The following MCF2 variants were observed in gnomAD, a reference collection of about 807,000 sequenced individuals.
MCF2 encodes MCF.2 cell line derived transforming sequence.
Under a neutral mutation model 82.5 loss-of-function variants are expected in MCF2, and 44 were observed. The observed-to-expected ratio is 0.53, with a 90% confidence interval of 0.42 to 0.69. The LOEUF is 0.69. MCF2 is among the 30% of genes least tolerant of loss of function. The pLI is 0.00. For missense variants in MCF2, 623 were observed against 663.1 expected (o/e 0.94, Z 0.66); for synonymous variants, 217 against 224.9 (o/e 0.96, Z 0.32).
intron 19 of MCF2, among the ~76,000 whole-genome samples, chrX:139,594,856 C>T (rs1929906846): frequency 9.0e-6 from 1 of 111,405 alleles, no homozygotes; most frequent in Admixed American, 9.5e-5. Flanking sequence ...CCAGAATCTA[C>T]AATGAATTCA....
intron 16 of MCF2, among the ~76,000 whole-genome samples, chrX:139,601,748 C>T (rs1242254004): frequency 9.0e-6 from 1 of 110,985 alleles, no homozygotes; most frequent in Admixed American, 9.6e-5. Flanking sequence ...CGCAACAAGC[C>T]TAGTGAGTCT....
chrX:139,640,672 C>T (rs753064157), intron 1 of MCF2, among the ~76,000 whole-genome samples: 29 of 111,003 alleles, frequency 2.6e-4, no homozygotes, highest in Admixed American at 9.6e-4. Context: ...TTCCAGAGAC[C>T]CTTCAAGGTG....
intron 1 of MCF2, among the ~76,000 whole-genome samples, chrX:139,659,862 C>A (rs1034590640): frequency 1.8e-5 from 2 of 112,110 alleles, no homozygotes; most frequent in African/African-American, 6.5e-5. Context: ...AGTAAATGAA[C>A]AATCGCTACC....
At chrX:139,598,326 A>C in intron 17 of MCF2, 80 bp downstream of exon 21, 1 of 642,181 alleles carries the variant, frequency 1.6e-6, no homozygotes, top group Non-Finnish European at 2.4e-6. Context: ...AGTGCTTCCT[A>C]GTAAACTATT....
chrX:139,657,009 C>T (rs892464936), intron 1 of MCF2, among the ~76,000 whole-genome samples: 75 of 111,612 alleles, frequency 6.7e-4, no homozygotes, highest in African/African-American at 2.1e-3. Context: ...ACATTGGACT[C>T]GTTGCTAAGC....
intron 1 of MCF2, among the ~76,000 whole-genome samples, chrX:139,689,295 A>C (rs1355514117): frequency 8.9e-6 from 1 of 111,799 alleles, no homozygotes; most frequent in Non-Finnish European, 1.9e-5. Context: ...GAAAGCAAAA[A>C]GTTCCATCAC....
At chrX:139,644,292 T>C (rs1933719250), upstream of MCF2, among the ~76,000 whole-genome samples, 1 of 112,297 alleles carries the variant, frequency 8.9e-6, no homozygotes, top group Admixed American at 9.5e-5. Flanking sequence ...ATTCATCACA[T>C]AGCCATTCCA....
chrX:139,584,640 C>A (rs1928790399), intron 24 of MCF2, among the ~76,000 whole-genome samples: 1 of 111,357 alleles, frequency 9.0e-6, no homozygotes, highest in African/African-American at 3.3e-5. Context: ...AAAATATATC[C>A]CCCAGATGTT....
chrX:139,583,705 A>G (rs1928670471), intron 24 of MCF2, among the ~76,000 whole-genome samples: 1 of 111,876 alleles, frequency 8.9e-6, no homozygotes, highest in Non-Finnish European at 1.9e-5. Context: ...AGCATCACGC[A>G]GTATTCCCAT....
chrX:139,601,532 A>G (rs1930551668), intron 16 of MCF2, among the ~76,000 whole-genome samples: 1 of 111,691 alleles, frequency 9.0e-6, no homozygotes, highest in Admixed American at 9.5e-5. Flanking sequence ...TAGAATAAAG[A>G]TATTTGCAGA....
intron 11 of MCF2, among the ~76,000 whole-genome samples, chrX:139,609,235 A>C (rs777744860): frequency 8.9e-6 from 1 of 112,397 alleles, no homozygotes; most frequent in East Asian, 2.8e-4. Context: ...ACCACAAAAA[A>C]CACAAGAAGA....
At chrX:139,693,421 C>T (rs1844607218) in intron 1 of MCF2, among the ~76,000 whole-genome samples, 1 of 109,335 alleles carries the variant, frequency 9.1e-6, no homozygotes, top group Admixed American at 9.9e-5. Flanking sequence ...TGAGGAATCG[C>T]CAATTTATAC....
chrX:139,664,073 C>T (rs1398125261), intron 1 of MCF2, among the ~76,000 whole-genome samples: 2 of 109,927 alleles, frequency 1.8e-5, no homozygotes, highest in East Asian at 2.9e-4. Flanking sequence ...GGTGCGATTT[C>T]GGCTCACTGC....
upstream of MCF2, chrX:139,646,919 A>G: frequency 1.1e-6 from 1 of 915,942 alleles, no homozygotes; most frequent in Non-Finnish European, 1.6e-6. Flanking sequence ...ACAATAGAAA[A>G]ATAATCAACT....
chrX:139,634,973 A>G (rs956074647), intron 1 of MCF2, among the ~76,000 whole-genome samples: 1 of 111,513 alleles, frequency 9.0e-6, no homozygotes, highest in African/African-American at 3.3e-5. Context: ...GCATGCGCCT[A>G]TGGTTCCAGT....
At chrX:139,593,462 G>A (rs1250686108) in intron 19 of MCF2, among the ~76,000 whole-genome samples, 2 of 110,987 alleles carry the variant, frequency 1.8e-5, no homozygotes, top group Non-Finnish European at 3.8e-5. Context: ...GAGGTACAAG[G>A]AGGAACTGGT....
At chrX:139,588,705 G>A (rs1372427042) in intron 20 of MCF2, among the ~76,000 whole-genome samples, 1 of 109,781 alleles carries the variant, frequency 9.1e-6, no homozygotes, top group Non-Finnish European at 1.9e-5. Flanking sequence ...GAGCCCAGGA[G>A]TTTGAGACCA....
intron 2 of MCF2, among the ~76,000 whole-genome samples, chrX:139,651,233 G>C (rs1457118905): frequency 3.6e-5 from 4 of 110,867 alleles, no homozygotes; most frequent in African/African-American, 1.3e-4. Flanking sequence ...TTATATACAA[G>C]TGTATATACA....
intron 21 of MCF2, 32 bp downstream of exon 25, chrX:139,588,328 T>C: frequency 1.8e-6 from 2 of 1,113,033 alleles, no homozygotes; most frequent in Non-Finnish European, 2.5e-6. Flanking sequence ...TTACTATACT[T>C]CTTGTTCTGA....
Sources: allele counts gnomAD v4.1 joint callset (sites outside exome capture counted in the v4.1 genomes callset), GRCh38; gene constraint gnomAD v4.1.1; transcripts MANE v1.5; gene names NCBI Gene and HGNC (gene_info 2026-07-23, HGNC 2026-07-21).